FGD2: variants seen among roughly 807,000 people sequenced by gnomAD.
FGD2 encodes the protein FYVE, RhoGEF and PH domain containing 2.
A neutral mutation model predicts 75.9 loss-of-function variants in FGD2; 52 were observed. The observed-to-expected ratio is 0.69, with a 90% CI of 0.55 to 0.86. The LOEUF (loss-of-function observed/expected upper bound fraction) is 0.86, where lower values mean the gene tolerates loss of function less well. Ranked by LOEUF, FGD2 falls within the 40% of genes least tolerant of loss-of-function variation. The pLI, the probability that FGD2 is intolerant of heterozygous loss-of-function variation, is 0.00. For missense variants in FGD2, 790 were observed against 872.0 expected, an observed-to-expected ratio of 0.91 and a Z score of 1.18; for synonymous variants, 347 against 348.6, an observed-to-expected ratio of 1.00 and a Z score of 0.05.
At chr6:37,011,086 C>G in intron 3 of FGD2, 36 bp downstream of exon 3, 2 of 1,593,484 alleles carry the variant, frequency 1.3e-6, no homozygotes, top group Non-Finnish European at 1.7e-6. Context: ...AGAGCCCCAG[C>G]CCTGGGTCTC....
chr6:37,012,103 AC>A, intron 4 of FGD2: 2 of 428,396 alleles, frequency 4.7e-6, no homozygotes, highest in East Asian at 4.3e-5. Flanking sequence ...TGACCAAGTG[AC>A]TTTGGGACAG....
chr6:37,009,876 T>C (rs935835668), intron 2 of FGD2: 6 of 151,994 alleles, frequency 3.9e-5, no homozygotes, highest in African/African-American at 1.5e-4. Flanking sequence ...TAGTTGGGCA[T>C]GGTGGTGGGC....
chr6:37,010,976 C>A lies in FGD2; in HGVS notation c.304C>A (p.Pro102Thr), dbSNP rs1346347817. ...VTLSGSGTQE[P>T]EKKIVQELLE... ...TCTCCCCTCCAATCCTCCGCAGGAG[C>A]CAGAGAAGAAGATCGTCCAGGAGCT... Residue 102 changes from proline to threonine, a missense_variant, in exon 3 of 16, where the codon CCA becomes ACA. Pro to Thr is a conservative substitution (Grantham distance 38). Coordinates refer to ENST00000274963, the MANE Select transcript of FGD2 (RefSeq NM_173558.4). 1.2e-6 allele frequency: 2 copies of A among 1,613,992 alleles called. No homozygotes were observed. Among genetic ancestry groups the A allele is most frequent in the African/African-American group, 1.3e-5 (1 of 74,920 alleles).
At chr6:37,015,659 G>T in intron 8 of FGD2, 109 bp from the exon 9 acceptor site, 1 of 944,040 alleles carries the variant, frequency 1.1e-6, no homozygotes. Flanking sequence ...GTTCAAAGGG[G>T]AGCGGGTCCA....
rs59713417 is a variant in FGD2, at chr6:37,016,534, ATT to A, written c.1122+690_1122+691del. ...TGCAGGGGCTGTTAGAATCTTCTGG[ATT>A]TTTTTTTTTTTTTTTGAGACCGAGT... On this transcript the variant is annotated intron_variant, in intron 9 of 15. Coordinates refer to ENST00000274963, the MANE Select transcript of FGD2 (RefSeq NM_173558.4). Among the ~76,000 whole-genome samples the A allele has an allele frequency of 8.6e-3, 1,169 of 136,686 alleles. 10 individuals are homozygous for A. The highest frequency in any genetic ancestry group is 0.026 in the African/African-American group (947 of 36,500). The allele number at this position is 136,686 out of a possible 152,430, so 89.7% of individuals were successfully genotyped here. A position where few individuals can be genotyped will look rare whatever the true frequency, so the allele number is the denominator to read the frequency against.
rs1226259477 is a variant in FGD2 at position 37,011,640 on chromosome 6, T to TCC, written c.379-62_379-61dup. On this transcript the variant is annotated intron_variant, in intron 3 of 15. Transcript: ENST00000274963. ...GCAGTAGGCTTGGTGGGACCCTAGT[T>TCC]CCCCCGGGCTGATGTGTGGGTGGCT... 5 of 1,603,052 alleles carry TCC rather than the reference T, an allele frequency of 3.1e-6. No homozygotes were observed. In the African/African-American group the frequency reaches 6.7e-5, roughly 22 times the overall value.
In FGD2 at chr6:37,013,633, C is replaced by T. The variant is rs201605634; in HGVS notation, c.552C>T (p.Asp184=). 1.3e-5 allele frequency: 21 copies of T among 1,613,848 alleles called. No homozygotes were observed. The highest frequency in any genetic ancestry group is 5.0e-5 in the Admixed American group (3 of 59,978). ...GGACAGCTAACCCCCGCATCGGTGA[C>T]GTGATCCAGAAGCTGGCCCCCTTCC... The part of the protein sequence containing the change: ...DDWTANPRIG[D]VIQKLAPFLK... Residue 184 remains aspartate, a synonymous_variant, in exon 5 of 16, where the codon GAC becomes GAT. Transcript: ENST00000274963.
chr6:37,015,132 T>G, intron 8 of FGD2, 94 bp downstream of exon 8: 2 of 1,466,824 alleles, frequency 1.4e-6, no homozygotes, highest in Non-Finnish European at 1.8e-6. Flanking sequence ...TACCTGGCAC[T>G]GCAGGGGGAC....
intron 14 of FGD2, among the ~76,000 whole-genome samples, chr6:37,026,916 G>A (rs1008541790): frequency 1.3e-5 from 2 of 152,006 alleles, no homozygotes; most frequent in Admixed American, 6.5e-5. Flanking sequence ...GCTGAGGCAG[G>A]AGAATCTCTT....
intron 8 of FGD2, among the ~76,000 whole-genome samples, chr6:37,015,553 C>G (rs957054227): frequency 6.6e-6 from 1 of 152,178 alleles, no homozygotes; most frequent in Non-Finnish European, 1.5e-5. Context: ...GGTGACCCTT[C>G]AGTAACCATC....
rs831504 is a variant in FGD2, at chr6:37,020,588, C to T, written c.1170C>T (p.Ser390=). The part of the protein sequence containing the change: ...DAEFPHSFLV[S]GKQRTLELQA... ...AGTTTCCCCACTCCTTCCTGGTGTC[C>T]GGGAAGCAGCGCACCCTGGAGCTGC... is the stretch of plus-strand genomic sequence containing the variant. The change falls in exon 10 of 16, where the codon TCC becomes TCT. Residue 390 remains serine (S), a synonymous_variant. Transcript: ENST00000274963. 0.51 allele frequency: 820,440 copies of T among 1,606,746 alleles called. 210,955 individuals are homozygous for T. Among genetic ancestry groups the T allele is most frequent in the South Asian group, 0.6 (53,853 of 89,590 alleles).
intron 1 of FGD2, among the ~76,000 whole-genome samples, chr6:37,007,906 C>T (rs1267491628): frequency 3.3e-5 from 5 of 152,182 alleles, no homozygotes; most frequent in Admixed American, 6.5e-5. Flanking sequence ...AATTGTGTCA[C>T]TTGGGGCAAG....
chr6:37,009,041 G>T lies in FGD2; in HGVS notation c.276G>T (p.Val92=), dbSNP rs904156462. 6.8e-6 allele frequency: 11 copies of T among 1,614,070 alleles called. No individual in the cohort carries two copies. The East Asian group carries it at 1.3e-4, about 20-fold the overall frequency. The change falls in exon 2 of 16, where the codon GTG becomes GTT. Residue 92 remains valine, a synonymous_variant. Coordinates refer to ENST00000274963, the MANE Select transcript of FGD2 (RefSeq NM_173558.4). ...CCTGGAGGAAATCTTGCCAGCCTGTGACCCTCTCAGGATCGGGGACGCAGG... is the reference window on the plus strand; with the variant it reads ...CCTGGAGGAAATCTTGCCAGCCTGTTACCCTCTCAGGATCGGGGACGCAGG... ...SEAWRKSCQP[V]TLSGSGTQEP...
chr6:37,027,602 G>C (rs201479750), intron 15 of FGD2, 27 bp downstream of exon 15: 7 of 1,612,494 alleles, frequency 4.3e-6, no homozygotes, highest in Non-Finnish European at 4.2e-6. Flanking sequence ...CCCGCCCCCC[G>C]TCAGGCCCTG....
intron 1 of FGD2, 57 bp from the exon 2 acceptor site, chr6:37,008,777 C>T: frequency 6.8e-7 from 1 of 1,479,316 alleles, no homozygotes; most frequent in Non-Finnish European, 9.1e-7. Context: ...CAGGGACTTG[C>T]TGCTGTTTTC....
rs773024828 is a variant in FGD2 at position 37,027,944 on chromosome 6, C to A, written c.1753-4C>A. 26 of 1,613,608 alleles carry A rather than the reference C, an allele frequency of 1.6e-5. No individual in the cohort carries two copies. Among genetic ancestry groups the A allele is most frequent in the East Asian group, 4.5e-5 (2 of 44,886 alleles). On this transcript the variant is annotated splice_region_variant and splice_polypyrimidine_tract_variant and intron_variant, in intron 15 of 15. Coordinates refer to ENST00000274963, the MANE Select transcript of FGD2 (RefSeq NM_173558.4). ...AGTGGCCCACTGCTCTCTCCTCCCC[C>A]CAGGACATGAGGGCTCACACCTCCA...
rs748360513 is a variant in FGD2 at position 37,014,112 on chromosome 6, C to T, written c.823+12C>T. 1 of 1,611,234 alleles carries T rather than the reference C, an allele frequency of 6.2e-7. No homozygotes were observed. The highest frequency in any genetic ancestry group is 8.5e-7 in the Non-Finnish European group (1 of 1,178,708). ...GGCCGATGCCCAGAGTGAGGACACCCCCAGGGGTCCCAGGGGGCTGAGGAG... is the reference window on the plus strand; with the variant it reads ...GGCCGATGCCCAGAGTGAGGACACCTCCAGGGGTCCCAGGGGGCTGAGGAG... On this transcript the variant is annotated intron_variant, in intron 6 of 15. Transcript: ENST00000274963.
rs1319698964 is a variant in FGD2, at chr6:37,005,710, A to G, written c.-108A>G. 6.0e-6 allele frequency: 7 copies of G among 1,170,298 alleles called. No individual in the cohort carries two copies. Among genetic ancestry groups the G allele is most frequent in the East Asian group, 2.4e-5 (1 of 41,540 alleles). The allele number at this position is 1,170,298 out of a possible 1,614,324, so 72.5% of individuals were successfully genotyped here. Reference sequence around the variant, plus strand: ...CCTCAAGAAAGATCAGAACAGATTCATGGGTGATTTAGCCTATCTGTCCCA... The same window carrying G: ...CCTCAAGAAAGATCAGAACAGATTCGTGGGTGATTTAGCCTATCTGTCCCA... On this transcript the variant is annotated 5_prime_UTR_variant, in exon 1 of 16. An upstream start codon of the reference 5' UTR is lost. Coordinates refer to ENST00000274963, the MANE Select transcript of FGD2 (RefSeq NM_173558.4).
chr6:37,027,957 G>A lies in FGD2; in HGVS notation c.1762G>A (p.Ala588Thr). The A allele has an allele frequency of 6.2e-7, 1 of 1,613,950 alleles. No homozygotes were observed. The highest frequency in any genetic ancestry group is 2.2e-5 in the East Asian group (1 of 44,876). ...YVYAAPQDMR[A>T]HTSIPLLGYQ... ...TCTCTCCTCCCCCCAGGACATGAGG[G>A]CTCACACCTCCATCCCCCTGCTGGG... Residue 588 changes from alanine (A) to threonine (T), a missense_variant, in exon 16 of 16, where the codon GCT becomes ACT. Ala to Thr is a moderately conservative substitution (Grantham distance 58). Transcript: ENST00000274963.
Sources: allele counts gnomAD v4.1 joint callset (sites outside exome capture counted in the v4.1 genomes callset), GRCh38; gene constraint gnomAD v4.1.1; transcripts MANE v1.5; gene names NCBI Gene and HGNC (gene_info 2026-07-23, HGNC 2026-07-21).